The following CPSF6 variants were observed in gnomAD, a reference collection of about 807,000 sequenced individuals.
CPSF6 encodes cleavage and polyadenylation specificity factor subunit 6.
A neutral mutation model predicts 56.7 loss-of-function variants in CPSF6; 10 were observed. That is an observed-to-expected ratio of 0.18 (90% CI 0.11 to 0.30). CPSF6 has a LOEUF of 0.30. CPSF6 is among the 10% of genes least tolerant of loss of function. The pLI, the probability that CPSF6 is intolerant of heterozygous loss-of-function variation, is 1.00. For synonymous variants in CPSF6, 248 were observed against 244.8 expected (o/e 1.01, Z -0.12); for missense variants, 419 against 722.9 (o/e 0.58, Z 4.82).
chr12:69,248,789 T>C (rs1872048338), intron 1 of CPSF6, among the ~76,000 whole-genome samples: 1 of 152,168 alleles, frequency 6.6e-6, no homozygotes, highest in East Asian at 1.9e-4. Context: ...TTATAGACAT[T>C]CTACCTCGTA....
chr12:69,266,678 G>T (rs1873002589), intron 9 of CPSF6, among the ~76,000 whole-genome samples: 1 of 152,076 alleles, frequency 6.6e-6, no homozygotes, highest in Non-Finnish European at 1.5e-5. Context: ...ATGAATTTGT[G>T]GTAGCATGTT....
In CPSF6 at chr12:69,258,199, TCTTA is replaced by T; in HGVS notation, c.694+298_694+301del. 1.2e-5 allele frequency: 11 copies of T among 933,546 alleles called. No individual in the cohort carries two copies. The highest frequency in any genetic ancestry group is 1.6e-5 in the Non-Finnish European group (10 of 620,122). The allele number at this position is 933,546 out of a possible 1,614,324, so 57.8% of individuals were successfully genotyped here. A position where few individuals can be genotyped will look rare whatever the true frequency, so the allele number is the denominator to read the frequency against. ...CTTATATATAGAATATTTACATCCG[TCTTA>T]CTTTCTTACCTCTTAAAAAAATCCT... On this transcript the variant is annotated intron_variant, in intron 5 of 9. Coordinates refer to ENST00000435070, the MANE Select transcript of CPSF6 (RefSeq NM_007007.3). The surrounding 1 kb of genome is among the most constrained non-coding windows in gnomAD (Gnocchi z 4.2).
chr12:69,239,719 C>T lies in CPSF6; in HGVS notation c.60+13C>T, dbSNP rs1252206826. On this transcript the variant is annotated intron_variant, in intron 1 of 9. Transcript: ENST00000435070. The stretch of plus-strand genomic sequence containing the variant: ...AGAGTTCAACCAGGTACGTGAGAGC[C>T]CAGGTCCCCGCCGCCGACGCGGGCG... The T allele has an allele frequency of 5.7e-6, 9 of 1,570,106 alleles. No homozygotes were observed. The highest frequency in any genetic ancestry group is 7.8e-6 in the Non-Finnish European group (9 of 1,158,948).
intron 4 of CPSF6, 53 bp from the exon 5 acceptor site, chr12:69,257,677 ATT>A: frequency 6.6e-7 from 1 of 1,522,712 alleles, no homozygotes; most frequent in Non-Finnish European, 8.9e-7. Flanking sequence ...TAGTGGTTAC[ATT>A]TCAGAAAACT....
Position 69,258,178 on chromosome 12 carries a change from T to C in CPSF6, c.694+273T>C, listed in dbSNP as rs905434685. ...TTTTTCTCCAAACTTGCTTGACTTA[T>C]ATATAGAATATTTACATCCGTCTTA... is the stretch of plus-strand genomic sequence containing the variant. On this transcript the variant is annotated intron_variant, in intron 5 of 9. Transcript: ENST00000435070. This position sits in a 1 kb window ranked among gnomAD's most constrained non-coding sequence, Gnocchi z 4.2. 1.8e-6 allele frequency: 2 copies of C among 1,138,022 alleles called. No individual in the cohort carries two copies. Among genetic ancestry groups the C allele is most frequent in the East Asian group, 2.6e-5 (1 of 38,950 alleles). The allele number at this position is 1,138,022 out of a possible 1,614,324, so 70.5% of individuals were successfully genotyped here. A position where few individuals can be genotyped will look rare whatever the true frequency, so the allele number is the denominator to read the frequency against.
intron 1 of CPSF6, among the ~76,000 whole-genome samples, chr12:69,247,666 G>A (rs929937659): frequency 2.0e-5 from 3 of 152,056 alleles, no homozygotes; most frequent in Non-Finnish European, 4.4e-5. Flanking sequence ...TATATGACCT[G>A]TGATATACAT....
At chr12:69,239,812 G>T (rs1224921950) in intron 1 of CPSF6, 106 bp downstream of exon 1, 2 of 1,034,654 alleles carry the variant, frequency 1.9e-6, no homozygotes, top group Admixed American at 8.8e-5. Context: ...CAGAGTGTGC[G>T]CCCTTGCCGC....
chr12:69,248,295 G>A (rs1872021038), intron 1 of CPSF6, among the ~76,000 whole-genome samples: 2 of 152,122 alleles, frequency 1.3e-5, no homozygotes, highest in Non-Finnish European at 2.9e-5. Context: ...AATACATTTA[G>A]TCCTGCTGTT....
chr12:69,250,213 A>G (rs1319017595), intron 1 of CPSF6, among the ~76,000 whole-genome samples: 1 of 152,020 alleles, frequency 6.6e-6, no homozygotes, highest in African/African-American at 2.4e-5. Flanking sequence ...GGAAAACAAG[A>G]TCTGAATACT....
chr12:69,267,142 A>G (rs890169279), intron 9 of CPSF6, among the ~76,000 whole-genome samples: 8 of 152,116 alleles, frequency 5.3e-5, no homozygotes, highest in African/African-American at 1.9e-4. Context: ...AATCCTTTTA[A>G]TTCAGTATAT....
chr12:69,262,450 G>T lies in CPSF6; in HGVS notation c.1547G>T (p.Arg516Leu), dbSNP rs140222811. The change falls in exon 9 of 10, where the codon CGT becomes CTT. Residue 516 changes from arginine to leucine, a missense_variant. Physicochemically the swap from Arg to Leu is moderately radical, Grantham distance 102. Transcript: ENST00000435070. ...SRRHKSRSRD[R>L]HDDYYRERSR... ...CGTCATAAATCCCGTAGTAGAGACC[G>T]TCATGACGATTATTACAGAGAGAGA... The T allele has an allele frequency of 6.2e-7, 1 of 1,613,726 alleles. No homozygotes were observed. Among genetic ancestry groups the T allele is most frequent in the African/African-American group, 1.3e-5 (1 of 74,890 alleles).
intron 1 of CPSF6, among the ~76,000 whole-genome samples, chr12:69,241,721 A>G (rs1037626287): frequency 1.3e-5 from 2 of 152,182 alleles, no homozygotes; most frequent in Non-Finnish European, 2.9e-5. Flanking sequence ...TAAGTTTTCA[A>G]TGATTTGTAT....
rs370611142 is a variant in CPSF6 at position 69,273,011 on chromosome 12, T to C, written c.*3503T>C. Reference sequence around the variant, plus strand: ...TTTCAATAAATATTCAACCAAAAATTATAAATTTATTAAGATGTGGCCTTA... The same window carrying C: ...TTTCAATAAATATTCAACCAAAAATCATAAATTTATTAAGATGTGGCCTTA... On this transcript the variant is annotated 3_prime_UTR_variant, in exon 10 of 10. Coordinates refer to ENST00000435070, the MANE Select transcript of CPSF6 (RefSeq NM_007007.3). 4.0e-5 allele frequency: 10 copies of C among 250,192 alleles called. No individual in the cohort carries two copies. Among genetic ancestry groups the C allele is most frequent in the African/African-American group, 2.1e-4 (9 of 43,644 alleles). The allele number at this position is 250,192 out of a possible 1,614,324, so 15.5% of individuals were successfully genotyped here.
chr12:69,258,081 G>A lies in CPSF6; in HGVS notation c.694+176G>A, dbSNP rs1454781032. ...TTAAAGGAACTCGGCCTTTGTTCCT[G>A]GAAACTAGGATTCCATGGCATATGG... is the stretch of plus-strand genomic sequence containing the variant. On this transcript the variant is annotated intron_variant, in intron 5 of 9. Coordinates refer to ENST00000435070, the MANE Select transcript of CPSF6 (RefSeq NM_007007.3). This position sits in a 1 kb window ranked among gnomAD's most constrained non-coding sequence, Gnocchi z 4.2. 1.3e-6 allele frequency: 2 copies of A among 1,536,946 alleles called. No homozygotes were observed. The highest frequency in any genetic ancestry group is 2.4e-5 in the East Asian group (1 of 40,920).
At chr12:69,262,290 A>G in intron 8 of CPSF6, 83 bp from the exon 9 acceptor site, 1 of 1,422,884 alleles carries the variant, frequency 7.0e-7, no homozygotes, top group African/African-American at 1.4e-5. Flanking sequence ...TTTGCTGCCT[A>G]AGTTTTTTTA....
chr12:69,271,267 A>G lies in CPSF6; in HGVS notation c.*1759A>G, dbSNP rs1873227721. 1 of 152,172 alleles carries G rather than the reference A, an allele frequency of 6.6e-6. No individual in the cohort carries two copies. Among genetic ancestry groups the G allele is most frequent in the Admixed American group, 6.6e-5 (1 of 15,224 alleles). 9.4% of individuals were successfully genotyped at this position (152,172 alleles called of 1,614,324 possible). A position where few individuals can be genotyped will look rare whatever the true frequency, so the allele number is the denominator to read the frequency against. ...TTTTTTAACATTATTTTAGAGTTGT[A>G]TCAAAATTTTCCTGTTTTCTGTATA... On this transcript the variant is annotated 3_prime_UTR_variant, in exon 10 of 10. Coordinates refer to ENST00000435070, the MANE Select transcript of CPSF6 (RefSeq NM_007007.3).
At chr12:69,254,730 G>T (rs1167218135) in intron 3 of CPSF6, among the ~76,000 whole-genome samples, 2 of 152,054 alleles carry the variant, frequency 1.3e-5, no homozygotes, top group African/African-American at 4.8e-5. Context: ...AGAACTTGTT[G>T]ACTAAAATAA....
chr12:69,239,743 C>A, intron 1 of CPSF6, 37 bp downstream of exon 1: 1 of 1,550,526 alleles, frequency 6.4e-7, no homozygotes. Context: ...CCGACGCGGG[C>A]GGCGCTGCGG....
In CPSF6 at chr12:69,272,126, C is replaced by T. The variant is rs774464598; in HGVS notation, c.*2618C>T. 6.7e-6 allele frequency: 1 copy of T among 148,964 alleles called. No homozygotes were observed. The highest frequency in any genetic ancestry group is 6.8e-5 in the Admixed American group (1 of 14,800). The allele number at this position is 148,964 out of a possible 1,614,324, so 9.2% of individuals were successfully genotyped here. A position where few individuals can be genotyped will look rare whatever the true frequency, so the allele number is the denominator to read the frequency against. On this transcript the variant is annotated 3_prime_UTR_variant, in exon 10 of 10. Transcript: ENST00000435070. Reference sequence around the variant, plus strand: ...GTTAAAGGAACTATGTTGTGGAAAGCATATTCCAGTGTAAATTTGCAGATG... The same window carrying T: ...GTTAAAGGAACTATGTTGTGGAAAGTATATTCCAGTGTAAATTTGCAGATG...
Sources: gnomAD v4.1 joint callset for allele counts (sites outside exome capture counted in the v4.1 genomes callset) on GRCh38, gnomAD v4.1.1 for gene constraint, Gnocchi (gnomAD v3.1) non-coding constraint, MANE v1.5 for transcripts, NCBI Gene and HGNC (gene_info 2026-07-23, HGNC 2026-07-21) for gene names.